The following FBXO25 variants were observed in gnomAD, a reference collection of about 807,000 sequenced individuals.
The protein encoded by FBXO25 is F-box protein 25.
A neutral mutation model predicts 51.9 loss-of-function variants in FBXO25; 45 were observed. The observed-to-expected ratio is 0.87, with a 90% CI of 0.68 to 1.11. The LOEUF is 1.11. Ranked by LOEUF, FBXO25 falls within the 50% of genes most tolerant of loss-of-function variation. The pLI, the probability that FBXO25 is intolerant of heterozygous loss-of-function variation, is 0.00. For synonymous variants in FBXO25, 199 were observed against 151.0 expected, an observed-to-expected ratio of 1.32 and a Z score of -2.33; for missense variants, 507 against 428.5, an observed-to-expected ratio of 1.18 and a Z score of -1.62.
Position 470,714 on chromosome 8 carries a change from G to A in FBXO25, c.*1910G>A, listed in dbSNP as rs1366987032. The A allele has an allele frequency of 6.6e-6, 1 of 152,202 alleles. No homozygotes were observed. Among genetic ancestry groups the A allele is most frequent in the African/African-American group, 2.4e-5 (1 of 41,456 alleles). The allele number at this position is 152,202 out of a possible 1,614,324, so 9.4% of individuals were successfully genotyped here. On this transcript the variant is annotated 3_prime_UTR_variant, in exon 10 of 10. Transcript: ENST00000350302. ...AAATTGTTCTAATCTAGGAAAGGGA[G>A]TAAGTACATTGAGTTTCCATTATCC...
At chr8:464,950 T>A (rs1800055829) in intron 9 of FBXO25, among the ~76,000 whole-genome samples, 1 of 152,254 alleles carries the variant, frequency 6.6e-6, no homozygotes, top group South Asian at 2.1e-4. Context: ...AACATCTTGA[T>A]TCCAGTTTAT....
chr8:477,196 T>TAACA lies in FBXO25; in HGVS notation c.*8393_*8396dup, dbSNP rs1585123076. 6.6e-6 allele frequency: 1 copy of TAACA among 152,242 alleles called. No homozygotes were observed. Among genetic ancestry groups the TAACA allele is most frequent in the Admixed American group, 6.5e-5 (1 of 15,282 alleles). The allele number at this position is 152,242 out of a possible 1,614,324, so 9.4% of individuals were successfully genotyped here. On this transcript the variant is annotated 3_prime_UTR_variant, in exon 10 of 10. Transcript: ENST00000350302. Reference sequence around the variant, plus strand: ...AAATTTGTTGACTTGTTTAGTCATCTAACATACTGTCTATCCTAGAGAAAG... The same window carrying TAACA: ...AAATTTGTTGACTTGTTTAGTCATCTAACAAACATACTGTCTATCCTAGAGAAAG...
At chr8:434,651 A>C (rs1344729408) in intron 4 of FBXO25, among the ~76,000 whole-genome samples, 1 of 152,124 alleles carries the variant, frequency 6.6e-6, no homozygotes, top group Non-Finnish European at 1.5e-5. Context: ...ATTTGAGACC[A>C]ATCATCTCAT....
intron 9 of FBXO25, among the ~76,000 whole-genome samples, chr8:467,036 G>A (rs9650477): frequency 0.037 from 5,656 of 152,260 alleles, 143 homozygotes; most frequent in Middle Eastern, 0.071. Context: ...TCACCCCACA[G>A]GCCTGTGTGG....
At chr8:432,108 C>A (rs1410617314) in intron 3 of FBXO25, among the ~76,000 whole-genome samples, 4 of 152,024 alleles carry the variant, frequency 2.6e-5, no homozygotes. Context: ...GCAAGATGGC[C>A]ACCATCACTG....
Position 407,510 on chromosome 8 carries a change from C to T in FBXO25, c.-8+444C>T, listed in dbSNP as rs866373854. The T allele has an allele frequency of 6.8e-3, 6,116 of 899,584 alleles. 91 individuals are homozygous for T. The highest frequency in any genetic ancestry group is 0.051 in the African/African-American group (2,781 of 54,652). 55.7% of individuals were successfully genotyped at this position (899,584 alleles called of 1,614,324 possible). On this transcript the variant is annotated intron_variant, in intron 1 of 9. Coordinates refer to ENST00000350302, the MANE Select transcript of FBXO25 (RefSeq NM_183420.2). ...GGGGGCCGCCCACAGGTGCACCGCG[C>T]GTCCTCAGCCGCTTCCCCTGCCCAC...
Position 469,457 on chromosome 8 carries a change from G to T in FBXO25, c.*653G>T. On this transcript the variant is annotated 3_prime_UTR_variant, in exon 10 of 10. Coordinates refer to ENST00000350302, the MANE Select transcript of FBXO25 (RefSeq NM_183420.2). ...TGGCAGGGCACCCCTGCTGGGGTTGGGGGCTGGTCTGTGCATAATCCTGGA... is the reference window on the plus strand; with the variant it reads ...TGGCAGGGCACCCCTGCTGGGGTTGTGGGCTGGTCTGTGCATAATCCTGGA... 1 of 152,570 alleles carries T rather than the reference G, an allele frequency of 6.6e-6. No homozygotes were observed. Among genetic ancestry groups the T allele is most frequent in the Non-Finnish European group, 1.5e-5 (1 of 68,258 alleles). The allele number at this position is 152,570 out of a possible 1,614,324, so 9.5% of individuals were successfully genotyped here. A position where few individuals can be genotyped will look rare whatever the true frequency, so the allele number is the denominator to read the frequency against.
chr8:456,326 C>T (rs1037717334), intron 7 of FBXO25, among the ~76,000 whole-genome samples: 1 of 152,292 alleles, frequency 6.6e-6, no homozygotes, highest in African/African-American at 2.4e-5. Context: ...CCTCCCACCT[C>T]AGCCTCCTGG....
chr8:431,606 T>A (rs563754266), intron 3 of FBXO25, among the ~76,000 whole-genome samples, 162 bp downstream of exon 3: 1 of 152,226 alleles, frequency 6.6e-6, no homozygotes, highest in African/African-American at 2.4e-5. Flanking sequence ...TTTTTGCAGC[T>A]CAACCGTTTC....
intron 2 of FBXO25, among the ~76,000 whole-genome samples, chr8:415,838 A>C (rs1343447412): frequency 6.6e-6 from 1 of 152,206 alleles, no homozygotes; most frequent in Non-Finnish European, 1.5e-5. Flanking sequence ...AAGAGTGTCT[A>C]AATACTATAT....
At chr8:443,955 G>A (rs1563082976) in intron 5 of FBXO25, among the ~76,000 whole-genome samples, 1 of 152,000 alleles carries the variant, frequency 6.6e-6, no homozygotes, top group Non-Finnish European at 1.5e-5. Context: ...ACAGATTGTG[G>A]GATCCCCCTG....
rs1005845487 is a variant in FBXO25 at position 477,851 on chromosome 8, C to T, written c.*9047C>T. 8.5e-5 allele frequency: 13 copies of T among 152,302 alleles called. No homozygotes were observed. Among genetic ancestry groups the T allele is most frequent in the Admixed American group, 2.0e-4 (3 of 15,310 alleles). 9.4% of individuals were successfully genotyped at this position (152,302 alleles called of 1,614,324 possible). A position where few individuals can be genotyped will look rare whatever the true frequency, so the allele number is the denominator to read the frequency against. On this transcript the variant is annotated 3_prime_UTR_variant, in exon 10 of 10. Transcript: ENST00000350302. ...TTAAAAATGTAAAAATCATTCTTAA[C>T]ATTTGGGCTGTGCAAAAACAGCTGG...
rs1796195283 is a variant in FBXO25 at position 407,057 on chromosome 8, G to A, written c.-17G>A. 1.3e-5 allele frequency: 2 copies of A among 152,650 alleles called. No individual in the cohort carries two copies. Among genetic ancestry groups the A allele is most frequent in the African/African-American group, 4.8e-5 (2 of 41,410 alleles). 9.5% of individuals were successfully genotyped at this position (152,650 alleles called of 1,614,324 possible). A position where few individuals can be genotyped will look rare whatever the true frequency, so the allele number is the denominator to read the frequency against. ...CGTCAGGTGAAGACTGGGGGCCGCA[G>A]GCGCGCTAGGTAGGTGCGGGGTGCA... On this transcript the variant is annotated 5_prime_UTR_variant, in exon 1 of 10. Transcript: ENST00000350302.
In FBXO25 at chr8:468,993, G is replaced by T. The variant is rs8049; in HGVS notation, c.*189G>T. On this transcript the variant is annotated 3_prime_UTR_variant, in exon 10 of 10. Coordinates refer to ENST00000350302, the MANE Select transcript of FBXO25 (RefSeq NM_183420.2). Reference sequence around the variant, plus strand: ...TTCATCACTGAAAGTCAGAGGCCAAGGAAATCATTTCTACTTCTTTAAAAA... The same window carrying T: ...TTCATCACTGAAAGTCAGAGGCCAATGAAATCATTTCTACTTCTTTAAAAA... 22 of 550,522 alleles carry T rather than the reference G, an allele frequency of 4.0e-5. No homozygotes were observed. The highest frequency in any genetic ancestry group is 5.0e-5 in the South Asian group (2 of 39,730). 34.1% of individuals were successfully genotyped at this position (550,522 alleles called of 1,614,324 possible).
chr8:443,211 A>C (rs1358167624), intron 5 of FBXO25, among the ~76,000 whole-genome samples: 1 of 151,250 alleles, frequency 6.6e-6, no homozygotes, highest in African/African-American at 2.5e-5. Context: ...CTGGGAATAT[A>C]AGGCTCCTCA....
At chr8:467,988 C>T (rs928987461) in intron 9 of FBXO25, 48 of 1,362,908 alleles carry the variant, frequency 3.5e-5, no homozygotes, top group African/African-American at 1.9e-4. Flanking sequence ...GCTAGATGTG[C>T]GCATAAACAC....
In FBXO25 at chr8:471,296, G is replaced by T. The variant is rs1186549944; in HGVS notation, c.*2492G>T. 6.6e-6 allele frequency: 1 copy of T among 152,152 alleles called. No individual in the cohort carries two copies. The highest frequency in any genetic ancestry group is 2.1e-4 in the South Asian group (1 of 4,834). 9.4% of individuals were successfully genotyped at this position (152,152 alleles called of 1,614,324 possible). A position where few individuals can be genotyped will look rare whatever the true frequency, so the allele number is the denominator to read the frequency against. On this transcript the variant is annotated 3_prime_UTR_variant, in exon 10 of 10. Transcript: ENST00000350302. Reference sequence around the variant, plus strand: ...GGAGAGATTGAAAGGTTAATGGAGGGTATAAGGACAGAATAAAGACAATTT... The same window carrying T: ...GGAGAGATTGAAAGGTTAATGGAGGTTATAAGGACAGAATAAAGACAATTT...
chr8:472,381 C>G lies in FBXO25; in HGVS notation c.*3577C>G. ...GACTGATTTCTATATCTTGAACCAA[C>G]CTTGCATTCTTGGGTCAAAGCCCAC... On this transcript the variant is annotated 3_prime_UTR_variant, in exon 10 of 10. Transcript: ENST00000350302. 1 of 152,204 alleles carries G rather than the reference C, an allele frequency of 6.6e-6. No homozygotes were observed. Among genetic ancestry groups the G allele is most frequent in the East Asian group, 1.9e-4 (1 of 5,194 alleles). The allele number at this position is 152,204 out of a possible 1,614,324, so 9.4% of individuals were successfully genotyped here. A position where few individuals can be genotyped will look rare whatever the true frequency, so the allele number is the denominator to read the frequency against.
intron 5 of FBXO25, among the ~76,000 whole-genome samples, chr8:447,310 C>T (rs1798800354): frequency 6.6e-6 from 1 of 152,010 alleles, no homozygotes. Context: ...CTGGAAGCTG[C>T]CCTTCCCCCA....
Sources: allele counts gnomAD v4.1 joint callset (sites outside exome capture counted in the v4.1 genomes callset), GRCh38; gene constraint gnomAD v4.1.1; transcripts MANE v1.5; gene names NCBI Gene and HGNC (gene_info 2026-07-23, HGNC 2026-07-21).